SPOCK3: variants seen among roughly 807,000 people sequenced by gnomAD.
SPOCK3 encodes the protein testican-3.
Under a neutral mutation model 56.6 loss-of-function variants are expected in SPOCK3, and 30 were observed. The ratio of observed to expected loss-of-function variants is 0.53; its 90% CI spans 0.40 to 0.72. The LOEUF is 0.72. Ranked by LOEUF, SPOCK3 falls within the 30% of genes least tolerant of loss-of-function variation. The pLI, the probability that SPOCK3 is intolerant of heterozygous loss-of-function variation, is 0.00. For synonymous variants in SPOCK3, 196 were observed against 183.3 expected (o/e 1.07, Z -0.56); for missense variants, 527 against 530.0 (o/e 0.99, Z 0.06).
At chr4:166,748,705 C>T (rs1394713566) in intron 8 of SPOCK3, among the ~76,000 whole-genome samples, 1 of 137,128 alleles carries the variant, frequency 7.3e-6, no homozygotes, top group African/African-American at 3.1e-5. Context: ...AGGCAACCTA[C>T]AGAATGGGAG....
In SPOCK3 at chr4:166,777,300, A is replaced by C. The variant is rs965809205; in HGVS notation, c.709+14870T>G. 2.0e-5 allele frequency among the ~76,000 whole-genome samples: 3 copies of C among 152,350 alleles called. No individual in the cohort carries two copies. In the South Asian group the frequency reaches 6.2e-4, roughly 32 times the overall value. Reference sequence around the variant, plus strand: ...AAATAATTGTTATTAATATTTTGTAAACATTCCCAAGTTAGGTAAAATGCA... The same window carrying C: ...AAATAATTGTTATTAATATTTTGTACACATTCCCAAGTTAGGTAAAATGCA... On this transcript the variant is annotated intron_variant, in intron 7 of 10. Coordinates refer to ENST00000357545, the MANE Select transcript of SPOCK3 (RefSeq NM_001040159.2).
intron 6 of SPOCK3, among the ~76,000 whole-genome samples, chr4:166,874,629 A>G (rs1369911953): frequency 6.6e-6 from 1 of 152,116 alleles, no homozygotes; most frequent in African/African-American, 2.4e-5. Context: ...AAGCACACAC[A>G]TGTGTGGCCC....
intron 7 of SPOCK3, among the ~76,000 whole-genome samples, chr4:166,782,002 G>A (rs1337020572): frequency 1.3e-5 from 2 of 152,022 alleles, no homozygotes; most frequent in Non-Finnish European, 2.9e-5. Context: ...ACATTTATGG[G>A]ATATGTGATA....
At chr4:167,094,067 G>A (rs989897957) in intron 2 of SPOCK3, among the ~76,000 whole-genome samples, 5 of 151,844 alleles carry the variant, frequency 3.3e-5, no homozygotes, top group Non-Finnish European at 5.9e-5. Flanking sequence ...ACAGATTTTT[G>A]GTAAATATAA....
intron 3 of SPOCK3, among the ~76,000 whole-genome samples, chr4:167,012,324 T>C (rs1750163448): frequency 6.6e-6 from 1 of 151,958 alleles, no homozygotes; most frequent in Admixed American, 6.6e-5. Context: ...AAGTTGTATA[T>C]GTAAAAATTC....
At chr4:166,935,212 C>T (rs1485146751) in intron 4 of SPOCK3, among the ~76,000 whole-genome samples, 1 of 151,712 alleles carries the variant, frequency 6.6e-6, no homozygotes. Flanking sequence ...TTCCTTATCC[C>T]AACTGTTTCC....
At chr4:166,842,564 A>T (rs191152335) in intron 6 of SPOCK3, among the ~76,000 whole-genome samples, 1 of 152,294 alleles carries the variant, frequency 6.6e-6, no homozygotes, top group East Asian at 1.9e-4. Context: ...ACCTTGAGCT[A>T]GACACAGAGT....
intron 2 of SPOCK3, among the ~76,000 whole-genome samples, chr4:167,109,780 C>G (rs1293423446): frequency 2.7e-5 from 4 of 150,128 alleles, no homozygotes; most frequent in Non-Finnish European, 4.4e-5. Flanking sequence ...AGAGAAAAAC[C>G]AAAATACTAT....
chr4:166,791,308 T>C (rs1471448136), intron 7 of SPOCK3, among the ~76,000 whole-genome samples: 1 of 152,162 alleles, frequency 6.6e-6, no homozygotes, highest in African/African-American at 2.4e-5. Flanking sequence ...TACTACACCA[T>C]TTTGTTAGAA....
intron 4 of SPOCK3, among the ~76,000 whole-genome samples, chr4:166,953,057 T>C (rs1465488180): frequency 6.6e-6 from 1 of 151,674 alleles, no homozygotes; most frequent in Non-Finnish European, 1.5e-5. Context: ...CCAAAAGCAA[T>C]GGCAACAAAA....
intron 6 of SPOCK3, among the ~76,000 whole-genome samples, chr4:166,885,151 T>C (rs1734064572): frequency 6.6e-6 from 1 of 151,514 alleles, no homozygotes; most frequent in African/African-American, 2.4e-5. Context: ...TCCTTGTCCA[T>C]CATATGCAAT....
chr4:167,077,460 C>G (rs1757303509), intron 2 of SPOCK3, among the ~76,000 whole-genome samples: 1 of 151,822 alleles, frequency 6.6e-6, no homozygotes, highest in African/African-American at 2.4e-5. Context: ...ACTACCAGAA[C>G]ATTTTTAAGA....
intron 4 of SPOCK3, among the ~76,000 whole-genome samples, chr4:166,996,858 T>C (rs748050151): frequency 3.1e-4 from 47 of 152,182 alleles, no homozygotes; most frequent in Admixed American, 6.5e-4. Context: ...AGGACAATTA[T>C]TATTATTTAA....
At chr4:167,146,837 A>G (rs1764002714) in intron 2 of SPOCK3, among the ~76,000 whole-genome samples, 1 of 152,170 alleles carries the variant, frequency 6.6e-6, no homozygotes, top group South Asian at 2.1e-4. Context: ...TTATAGCACT[A>G]AATGCCCACA....
At chr4:167,228,506 C>T (rs1736819692) in intron 2 of SPOCK3, among the ~76,000 whole-genome samples, 1 of 152,100 alleles carries the variant, frequency 6.6e-6, no homozygotes, top group Admixed American at 6.6e-5. Context: ...GATACCAGCT[C>T]TAGCTAAGAT....
intron 7 of SPOCK3, among the ~76,000 whole-genome samples, chr4:166,787,196 C>T (rs1042858894): frequency 9.9e-5 from 15 of 151,960 alleles, no homozygotes; most frequent in Admixed American, 2.0e-4. Flanking sequence ...ATGAACATTA[C>T]GTTAATAATT....
intron 4 of SPOCK3, among the ~76,000 whole-genome samples, chr4:166,989,279 G>A (rs192698667): frequency 4.0e-5 from 6 of 151,704 alleles, no homozygotes; most frequent in African/African-American, 9.7e-5. Context: ...CATTATTACC[G>A]AGACCTGTGT....
At chr4:166,793,803 C>A (rs1046445439) in intron 6 of SPOCK3, among the ~76,000 whole-genome samples, 3 of 152,132 alleles carry the variant, frequency 2.0e-5, no homozygotes, top group Non-Finnish European at 4.4e-5. Flanking sequence ...AAAATTATTT[C>A]ATATTTCTAA....
At chr4:167,205,175 T>A (rs1249520206) in intron 2 of SPOCK3, among the ~76,000 whole-genome samples, 1 of 111,888 alleles carries the variant, frequency 8.9e-6, no homozygotes, top group East Asian at 2.3e-4. Flanking sequence ...ATATATATTA[T>A]ATATTATAGA....
Sources: allele counts gnomAD v4.1 joint callset (sites outside exome capture counted in the v4.1 genomes callset), GRCh38; gene constraint gnomAD v4.1.1; transcripts MANE v1.5; gene names NCBI Gene and HGNC (gene_info 2026-07-23, HGNC 2026-07-21).